The following HSPG2 variants were observed in gnomAD, a reference collection of about 807,000 sequenced individuals.
The protein encoded by HSPG2 is heparan sulfate proteoglycan 2, also known as basement membrane-specific heparan sulfate proteoglycan core protein.
A neutral mutation model predicts 526.6 loss-of-function variants in HSPG2; 278 were observed. The observed-to-expected ratio is 0.53, with a 90% CI of 0.48 to 0.58. HSPG2 has a LOEUF of 0.58. Among genes scored for constraint, HSPG2 ranks in the 20% least tolerant of loss-of-function variants. The pLI, the probability that HSPG2 is intolerant of heterozygous loss-of-function variation, is 0.00. For synonymous variants in HSPG2, 2,465 were observed against 2,555.4 expected (o/e 0.96, Z 1.07); for missense variants, 5,354 against 6,099.5 (o/e 0.88, Z 4.07).
rs575273094 is a variant in HSPG2, at chr1:21,847,464, T to A, written c.8054A>T (p.Gln2685Leu). ...QTHGSHLRLH[Q>L]MSVADSGEYV... is the part of the protein sequence containing the mutation. ...CTCGCCCGAGTCAGCCACAGACATTTGGTGCAACCGCAGGTGGGAGCCATG... is the reference window on the plus strand; with the variant it reads ...CTCGCCCGAGTCAGCCACAGACATTAGGTGCAACCGCAGGTGGGAGCCATG... Residue 2685 changes from glutamine to leucine, a missense_variant, in exon 62 of 97, where the codon CAA becomes CTA. Transcript: ENST00000374695. This position sits in a 1 kb window ranked among gnomAD's most constrained non-coding sequence, Gnocchi z 4.1. 92 of 1,613,920 alleles carry A rather than the reference T, an allele frequency of 5.7e-5. No homozygotes were observed. The East Asian group carries it at 2.0e-3, about 36-fold the overall frequency.
chr1:21,848,224 TC>T lies in HSPG2; in HGVS notation c.7738-132del. The T allele has an allele frequency of 2.8e-6, 3 of 1,070,828 alleles. No individual in the cohort carries two copies. Among genetic ancestry groups the T allele is most frequent in the Non-Finnish European group, 4.1e-6 (3 of 726,192 alleles). The allele number at this position is 1,070,828 out of a possible 1,614,324, so 66.3% of individuals were successfully genotyped here. A position where few individuals can be genotyped will look rare whatever the true frequency, so the allele number is the denominator to read the frequency against. ...GCCTCCTCAGTGGCCTTCGTGAAGC[TC>T]CCAGCATGGCATGTGGCCTGTCTCT... On this transcript the variant is annotated intron_variant, in intron 59 of 96. Coordinates refer to ENST00000374695, the MANE Select transcript of HSPG2 (RefSeq NM_005529.7). The surrounding 1 kb of genome is among the most constrained non-coding windows in gnomAD (Gnocchi z 4.9).
intron 91 of HSPG2, among the ~76,000 whole-genome samples, 172 bp downstream of exon 91, chr1:21,827,691 G>A (rs2097982393): frequency 6.6e-6 from 1 of 152,232 alleles, no homozygotes; most frequent in African/African-American, 2.4e-5. Context: ...CACCCAGCCA[G>A]TAAGTGTGGG....
intron 1 of HSPG2, among the ~76,000 whole-genome samples, chr1:21,921,514 GC>G (rs982813076): frequency 5.3e-5 from 8 of 152,118 alleles, no homozygotes; most frequent in African/African-American, 1.9e-4. Flanking sequence ...CTGCTTCCCT[GC>G]CCCGCATACC....
At position 21,854,637 on chromosome 1, in the gene HSPG2, C is replaced by G. The variant is rs568331094; in HGVS notation, c.6262G>C (p.Gly2088Arg). The part of the protein sequence containing the change: ...AHAQVTWYRR[G>R]GSLPPHTQVH... The stretch of plus-strand genomic sequence containing the variant: ...TGGGTGTGGGGAGGCAGGCTACCCC[C>G]TCGCCTGTACCAGGTGACCTGGGCA... The change falls in exon 49 of 97, where the codon GGG (glycine) becomes CGG (arginine). Residue 2088 changes from glycine to arginine, a missense_variant. Gly to Arg is a moderately radical substitution (Grantham distance 125). Transcript: ENST00000374695. 6.3e-7 allele frequency: 1 copy of G among 1,581,062 alleles called. No homozygotes were observed. Among genetic ancestry groups the G allele is most frequent in the Non-Finnish European group, 8.6e-7 (1 of 1,162,616 alleles).
At chr1:21,907,595 C>A (rs1461859764) in intron 1 of HSPG2, among the ~76,000 whole-genome samples, 1 of 152,130 alleles carries the variant, frequency 6.6e-6, no homozygotes, top group African/African-American at 2.4e-5. Flanking sequence ...GGCAGTGGGC[C>A]TCCTCAGAGC....
Position 21,885,028 on chromosome 1 carries a change from A to G in HSPG2, c.1340T>C (p.Ile447Thr). The G allele has an allele frequency of 1.2e-6, 2 of 1,613,764 alleles. No homozygotes were observed. The highest frequency in any genetic ancestry group is 1.7e-6 in the Non-Finnish European group (2 of 1,179,952). Residue 447 changes from isoleucine to threonine, a missense_variant, in exon 11 of 97, where the codon ATC becomes ACC. Transcript: ENST00000374695. ...IINWRLNWGH[I>T]PSHPRVTVTS... ...AGAGCCGCACCTGGGATGAGAGGGGATGTGGCCCCAGTTGAGCCTCCAATT... is the reference window on the plus strand; with the variant it reads ...AGAGCCGCACCTGGGATGAGAGGGGGTGTGGCCCCAGTTGAGCCTCCAATT...
chr1:21,873,800 C>A (rs1226316625), intron 29 of HSPG2, 125 bp downstream of exon 29: 2 of 776,384 alleles, frequency 2.6e-6, no homozygotes, highest in Non-Finnish European at 4.2e-6. Flanking sequence ...TCTTCTGGGG[C>A]CTGTGCGAGG....
At chr1:21,929,356 G>A (rs887951958) in intron 1 of HSPG2, among the ~76,000 whole-genome samples, 3 of 152,150 alleles carry the variant, frequency 2.0e-5, no homozygotes, top group Non-Finnish European at 2.9e-5. Context: ...CCAGGCATGT[G>A]AGCCAGTCCA....
At chr1:21,900,385 G>A (rs1643032445) in intron 1 of HSPG2, among the ~76,000 whole-genome samples, 1 of 152,184 alleles carries the variant, frequency 6.6e-6, no homozygotes, top group Non-Finnish European at 1.5e-5. Flanking sequence ...AACACTGGCA[G>A]GACTGTGGGC....
In HSPG2 at chr1:21,839,989, C is replaced by T; in HGVS notation, c.9542G>A (p.Gly3181Asp). 1 of 1,614,210 alleles carries T rather than the reference C, an allele frequency of 6.2e-7. No homozygotes were observed. Among genetic ancestry groups the T allele is most frequent in the Non-Finnish European group, 8.5e-7 (1 of 1,180,042 alleles). ...QISSAKPSDA[G>D]TYVCLAQNAL... ...ATTCTGAGCAAGGCACACATAAGTG[C>T]CCGCATCTGATGGTTTAGCTGATGA... The change falls in exon 72 of 97, where the codon GGC becomes GAC. Residue 3181 changes from glycine (G) to aspartate (D), a missense_variant. Coordinates refer to ENST00000374695, the MANE Select transcript of HSPG2 (RefSeq NM_005529.7). The surrounding 1 kb of genome is among the most constrained non-coding windows in gnomAD (Gnocchi z 4.5).
chr1:21,829,428 C>T lies in HSPG2; in HGVS notation c.11947G>A (p.Ala3983Thr), dbSNP rs750578551. ...AACTCCAGGTGGCCGCCCACCATCG[C>T]CAGGGACACGAAGTCCTCCACAGGC... Reference protein sequence around the residue: ...SGPVEDFVSLAMVGGHLEFRY... With the variant: ...SGPVEDFVSLTMVGGHLEFRY... The change falls in exon 87 of 97, where the codon GCG (alanine) becomes ACG (threonine). Residue 3983 changes from alanine to threonine, a missense_variant. Coordinates refer to ENST00000374695, the MANE Select transcript of HSPG2 (RefSeq NM_005529.7). 1 of 1,613,422 alleles carries T rather than the reference C, an allele frequency of 6.2e-7. No individual in the cohort carries two copies. Among genetic ancestry groups the T allele is most frequent in the Non-Finnish European group, 8.5e-7 (1 of 1,179,902 alleles).
chr1:21,908,637 C>T, intron 1 of HSPG2: 1 of 605,522 alleles, frequency 1.7e-6, no homozygotes. Context: ...AAAGTGTTTG[C>T]TGTGATTATC....
chr1:21,918,231 G>A (rs895282410), intron 1 of HSPG2, among the ~76,000 whole-genome samples: 15 of 152,078 alleles, frequency 9.9e-5, no homozygotes, highest in African/African-American at 2.2e-4. Context: ...TTGGGAGGCC[G>A]AGGCAGGCGG....
At position 21,880,446 on chromosome 1, in the gene HSPG2, G is replaced by A. The variant is rs1178263886; in HGVS notation, c.2112C>T (p.Ser704=). ...CCATGGCGATGTCGCTAAGTCCCAC[G>A]CTGGCCATCTTGGTGTTGTACACGG... ...IQTVYNTKMA[S]VGLSDIAMDT... is the part of the protein sequence containing the mutation. The change falls in exon 16 of 97, where the codon AGC becomes AGT. Residue 704 remains serine, a synonymous_variant. Transcript: ENST00000374695. 10 of 1,613,864 alleles carry A rather than the reference G, an allele frequency of 6.2e-6. No homozygotes were observed. Among genetic ancestry groups the A allele is most frequent in the Admixed American group, 1.7e-5 (1 of 59,988 alleles).
At chr1:21,825,851 T>C (rs2097971821) in intron 91 of HSPG2, among the ~76,000 whole-genome samples, 1 of 152,028 alleles carries the variant, frequency 6.6e-6, no homozygotes, top group Admixed American at 6.5e-5. Context: ...AGTGGCACAA[T>C]CTTGGTTCAC....
At position 21,850,238 on chromosome 1, in the gene HSPG2, T is replaced by G. The variant is rs780177854; in HGVS notation, c.7295-46A>C. ...GTCAATAGCCGGCTAGGAGGTGAGA[T>G]GAGATGGGGCTCCTGGTCTCAAGGC... On this transcript the variant is annotated intron_variant, in intron 56 of 96. Transcript: ENST00000374695. The G allele has an allele frequency of 1.9e-6, 3 of 1,612,682 alleles. 1 individual carries two copies. Among genetic ancestry groups the G allele is most frequent in the Non-Finnish European group, 8.5e-7 (1 of 1,179,718 alleles).
At chr1:21,910,332 CCTGCCAGGCCCT>C (rs1394396629) in intron 1 of HSPG2, among the ~76,000 whole-genome samples, 8 of 152,226 alleles carry the variant, frequency 5.3e-5, no homozygotes, top group African/African-American at 1.9e-4. Flanking sequence ...CCCCACCTCC[CCTGCCAGGCCCT>C]GAGGCCCTGT....
intron 40 of HSPG2, 68 bp from the exon 41 acceptor site, chr1:21,860,070 G>C: frequency 6.3e-7 from 1 of 1,599,746 alleles, no homozygotes; most frequent in Non-Finnish European, 8.5e-7. Context: ...TCTCCCAAAA[G>C]CTGGGGTACC....
Position 21,841,426 on chromosome 1 carries a change from G to A in HSPG2, c.9328+113C>T. 7 of 1,566,746 alleles carry A rather than the reference G, an allele frequency of 4.5e-6. No homozygotes were observed. The South Asian group carries it at 4.5e-5, about 10-fold the overall frequency. On this transcript the variant is annotated intron_variant, in intron 70 of 96. Coordinates refer to ENST00000374695, the MANE Select transcript of HSPG2 (RefSeq NM_005529.7). ...AGGTGGAAACTGAGGCTCAGAGAGG[G>A]AGAATGCCCAAGACAGAGTCAATGG... is the stretch of plus-strand genomic sequence containing the variant.
Sources: gnomAD v4.1 joint callset for allele counts (sites outside exome capture counted in the v4.1 genomes callset) on GRCh38, gnomAD v4.1.1 for gene constraint, Gnocchi (gnomAD v3.1) non-coding constraint, MANE v1.5 for transcripts, NCBI Gene and HGNC (gene_info 2026-07-23, HGNC 2026-07-21) for gene names.